Variants in MRPS28 observed in about 807,000 individuals in gnomAD.
MRPS28 encodes mitochondrial ribosomal protein S28.
Under a neutral mutation model 10.8 loss-of-function variants are expected in MRPS28, and 7 were observed. That is an observed-to-expected ratio of 0.65 (90% CI 0.37 to 1.22). MRPS28 has a LOEUF of 1.22. Ranked by LOEUF, MRPS28 falls within the 50% of genes most tolerant of loss-of-function variation. The probability of loss-of-function intolerance (pLI) is 0.02; values close to 1 mark genes in which losing one functional copy is unlikely to be tolerated. For missense variants in MRPS28, 265 were observed against 232.9 expected (o/e 1.14, Z -0.90); for synonymous variants, 121 against 93.3 (o/e 1.30, Z -1.71).
chr8:79,979,081 A>C (rs753661885), intron 2 of MRPS28, among the ~76,000 whole-genome samples: 5 of 152,240 alleles, frequency 3.3e-5, no homozygotes, highest in Non-Finnish European at 5.9e-5. Context: ...AAGGTAAATA[A>C]AATTTTTTAT....
chr8:79,987,133 C>G (rs930352410), intron 2 of MRPS28, among the ~76,000 whole-genome samples: 13 of 152,048 alleles, frequency 8.5e-5, no homozygotes, highest in Non-Finnish European at 1.9e-4. Flanking sequence ...ATAGCTACAA[C>G]TATCTGATCT....
chr8:80,007,596 G>A (rs1469646937), intron 1 of MRPS28, among the ~76,000 whole-genome samples: 12 of 152,052 alleles, frequency 7.9e-5, no homozygotes, highest in African/African-American at 2.9e-4. Flanking sequence ...AAATCAATGT[G>A]CAAAAATCAC....
At chr8:79,998,765 C>T in intron 2 of MRPS28, among the ~76,000 whole-genome samples, 1 of 152,118 alleles carries the variant, frequency 6.6e-6, no homozygotes, top group Non-Finnish European at 1.5e-5. Context: ...CTCCTTTAAA[C>T]TATAATCAAA....
intron 2 of MRPS28, among the ~76,000 whole-genome samples, chr8:79,987,010 A>AC (rs1385127974): frequency 6.6e-6 from 1 of 152,168 alleles, no homozygotes; most frequent in African/African-American, 2.4e-5. Flanking sequence ...GCATCACGCT[A>AC]CCTGACTTCA....
At chr8:80,018,304 A>AAAG (rs1180759202) in intron 1 of MRPS28, among the ~76,000 whole-genome samples, 11 of 150,926 alleles carry the variant, frequency 7.3e-5, no homozygotes, top group Non-Finnish European at 1.0e-4. Context: ...TCAAAAAAAA[A>AAAG]AAAAAAAAAA....
Position 79,979,777 on chromosome 8 carries a change from T to C in MRPS28, c.395+23222A>G, listed in dbSNP as rs983786273. ...TCTCTTCCTCCCTTAAACACAGACA[T>C]GTGGTCTGTAGAATCAGCAGCCTTA... is the stretch of plus-strand genomic sequence containing the variant. On this transcript the variant is annotated intron_variant, in intron 2 of 2. Transcript: ENST00000276585. Among the ~76,000 whole-genome samples the C allele has an allele frequency of 7.2e-5, 11 of 152,086 alleles. No individual in the cohort carries two copies. In the South Asian group the frequency reaches 2.3e-3, roughly 32 times the overall value.
At position 79,984,221 on chromosome 8, in the gene MRPS28, T is replaced by C. The variant is rs982192172; in HGVS notation, c.395+18778A>G. Among the ~76,000 whole-genome samples, 9 of 152,256 alleles carry C rather than the reference T, an allele frequency of 5.9e-5. No individual in the cohort carries two copies. In the South Asian group the frequency reaches 1.7e-3, roughly 28 times the overall value. ...ATAAAATCCTTTACAGACTAGCAAATGCTGAGAGATTTTGTCACCACCAGG... is the reference window on the plus strand; with the variant it reads ...ATAAAATCCTTTACAGACTAGCAAACGCTGAGAGATTTTGTCACCACCAGG... On this transcript the variant is annotated intron_variant, in intron 2 of 2. Transcript: ENST00000276585.
chr8:80,004,615 A>C (rs774841530), intron 1 of MRPS28, among the ~76,000 whole-genome samples: 52 of 152,360 alleles, frequency 3.4e-4, no homozygotes, highest in Non-Finnish European at 5.6e-4. Context: ...CCTTGCCAGC[A>C]ATGGAACAAA....
intron 2 of MRPS28, among the ~76,000 whole-genome samples, chr8:79,939,339 C>T (rs534210842): frequency 6.6e-6 from 1 of 152,216 alleles, no homozygotes; most frequent in East Asian, 1.9e-4. Context: ...TTATTTAATC[C>T]TTTTCTGGCA....
intron 1 of MRPS28, among the ~76,000 whole-genome samples, chr8:80,014,829 C>T (rs1809153388): frequency 6.6e-6 from 1 of 152,130 alleles, no homozygotes; most frequent in Non-Finnish European, 1.5e-5. Flanking sequence ...CACCCCCACT[C>T]CAGGGGACAT....
intron 2 of MRPS28, among the ~76,000 whole-genome samples, chr8:79,967,408 A>G (rs752542854): frequency 3.3e-5 from 5 of 152,130 alleles, no homozygotes; most frequent in Non-Finnish European, 5.9e-5. Flanking sequence ...CCTGTTCCCA[A>G]TTCCCAATTC....
chr8:79,963,716 G>A (rs145917995), intron 2 of MRPS28, among the ~76,000 whole-genome samples: 6 of 152,192 alleles, frequency 3.9e-5, no homozygotes, highest in African/African-American at 1.4e-4. Context: ...TCAGTGTACT[G>A]CTGCTTTGGT....
chr8:79,943,293 A>G (rs925823055), intron 2 of MRPS28, among the ~76,000 whole-genome samples: 2 of 152,256 alleles, frequency 1.3e-5, no homozygotes, highest in Non-Finnish European at 2.9e-5. Flanking sequence ...GCTATGTGAC[A>G]ATAGCTACAA....
intron 2 of MRPS28, among the ~76,000 whole-genome samples, chr8:79,923,497 T>G (rs1470089961): frequency 6.6e-6 from 1 of 152,202 alleles, no homozygotes; most frequent in Non-Finnish European, 1.5e-5. Flanking sequence ...TAAATTATCA[T>G]TAAAAACAAT....
intron 2 of MRPS28, chr8:79,957,042 A>C (rs1256340341): frequency 1.3e-5 from 2 of 152,092 alleles, no homozygotes; most frequent in Non-Finnish European, 2.9e-5. Context: ...GAGTCACCTA[A>C]GTCACTTGAA....
Position 80,023,384 on chromosome 8 carries a change from A to G in MRPS28, c.213+6652T>C, listed in dbSNP as rs370176837. On this transcript the variant is annotated intron_variant, in intron 1 of 2. Coordinates refer to ENST00000276585, the MANE Select transcript of MRPS28 (RefSeq NM_014018.3). ...GGACTTAAAAATTATACTAAAAATA[A>G]ATTAATTTCCCTATTATATTGAAAT... Among the ~76,000 whole-genome samples the G allele has an allele frequency of 3.9e-5, 6 of 152,252 alleles. No homozygotes were observed. In the East Asian group the frequency reaches 7.7e-4, roughly 20 times the overall value.
At position 80,017,578 on chromosome 8, in the gene MRPS28, T is replaced by C. The variant is rs1166425659; in HGVS notation, c.213+12458A>G. On this transcript the variant is annotated intron_variant, in intron 1 of 2. Coordinates refer to ENST00000276585, the MANE Select transcript of MRPS28 (RefSeq NM_014018.3). ...AGAACAGATAATCTGAATAGGCCTA[T>C]GTCTATTAAAGACATTAAATCAGTA... Among the ~76,000 whole-genome samples the C allele has an allele frequency of 2.0e-5, 3 of 152,076 alleles. No homozygotes were observed. In the East Asian group the frequency reaches 5.8e-4, roughly 29 times the overall value.
chr8:79,973,483 C>A lies in MRPS28; in HGVS notation c.395+29516G>T, dbSNP rs1237988835. Among the ~76,000 whole-genome samples the A allele has an allele frequency of 3.3e-5, 5 of 152,098 alleles. No individual in the cohort carries two copies. In the East Asian group the frequency reaches 9.7e-4, roughly 29 times the overall value. The stretch of plus-strand genomic sequence containing the variant: ...GCCTGGGCAACATATGAAGACACAC[C>A]CCCATCTCCAAATAAATAAATAATG... On this transcript the variant is annotated intron_variant, in intron 2 of 2. Coordinates refer to ENST00000276585, the MANE Select transcript of MRPS28 (RefSeq NM_014018.3).
At chr8:79,949,511 T>C (rs1429910543) in intron 2 of MRPS28, among the ~76,000 whole-genome samples, 3 of 152,070 alleles carry the variant, frequency 2.0e-5, no homozygotes, top group Admixed American at 6.5e-5. Flanking sequence ...GACAGGATGA[T>C]TCCCATTAAG....
Sources: gnomAD v4.1 joint callset for allele counts (sites outside exome capture counted in the v4.1 genomes callset) on GRCh38, gnomAD v4.1.1 for gene constraint, MANE v1.5 for transcripts, NCBI Gene and HGNC (gene_info 2026-07-23, HGNC 2026-07-21) for gene names.